The following COL5A2 variants were observed in gnomAD, a reference collection of about 807,000 sequenced individuals.
The protein encoded by COL5A2 is collagen type V alpha 2 chain, also known as collagen alpha-2(V) chain.
COL5A2 carries 23 observed loss-of-function variants against 208.2 expected under a neutral mutation model. The observed-to-expected ratio is 0.11, with a 90% CI of 0.08 to 0.16. The LOEUF is 0.16. Among genes scored for constraint, COL5A2 ranks in the 10% least tolerant of loss-of-function variants. The probability of loss-of-function intolerance (pLI) is 1.00; values close to 1 mark genes in which losing one functional copy is unlikely to be tolerated. For synonymous variants in COL5A2, 625 were observed against 628.5 expected, an observed-to-expected ratio of 0.99 and a Z score of 0.08; for missense variants, 1,590 against 1,956.4, an observed-to-expected ratio of 0.81 and a Z score of 3.53.
At chr2:189,041,071 C>T (rs924946645) in intron 50 of COL5A2, among the ~76,000 whole-genome samples, 1 of 152,176 alleles carries the variant, frequency 6.6e-6, no homozygotes, top group South Asian at 2.1e-4. Flanking sequence ...AGATGTTTCC[C>T]AGACCTGAGA....
chr2:189,266,731 A>C, the COL5A2 span, among the ~76,000 whole-genome samples: 4 of 152,224 alleles, frequency 2.6e-5, no homozygotes, highest in South Asian at 8.3e-4. Flanking sequence ...TATATGAAAA[A>C]ATACTGAATT....
chr2:189,402,925 A>AT, the COL5A2 span, among the ~76,000 whole-genome samples: 1 of 151,986 alleles, frequency 6.6e-6, no homozygotes, highest in Non-Finnish European at 1.5e-5. Flanking sequence ...ATTATAAAAT[A>AT]TTTTTTTCTA....
intron 46 of COL5A2, 98 bp downstream of exon 46, chr2:189,045,702 A>T (rs1685651425): frequency 2.2e-6 from 2 of 915,840 alleles, no homozygotes; most frequent in Admixed American, 1.8e-5. Context: ...TCCTTAACGA[A>T]GTGCACATGT....
At chr2:189,119,485 C>A (rs1414067071) in intron 1 of COL5A2, among the ~76,000 whole-genome samples, 7 of 152,156 alleles carry the variant, frequency 4.6e-5, no homozygotes, top group Admixed American at 2.0e-4. Context: ...TTTTCCTTAA[C>A]AAGTAAACAT....
At chr2:189,237,774 T>A in the COL5A2 span, among the ~76,000 whole-genome samples, 1 of 151,914 alleles carries the variant, frequency 6.6e-6, no homozygotes, top group African/African-American at 2.4e-5. Context: ...TTCCATTTGT[T>A]CATAGAAATT....
chr2:189,309,777 C>T, the COL5A2 span, among the ~76,000 whole-genome samples: 1 of 152,136 alleles, frequency 6.6e-6, no homozygotes, highest in African/African-American at 2.4e-5. Context: ...GTGATGTGAC[C>T]ATCTGCCAGA....
chr2:189,250,055 C>T, the COL5A2 span, among the ~76,000 whole-genome samples: 1 of 152,146 alleles, frequency 6.6e-6, no homozygotes, highest in African/African-American at 2.4e-5. Context: ...GGAAGAATAG[C>T]ACTTTTCACT....
chr2:189,051,183 T>C, intron 42 of COL5A2, 137 bp downstream of exon 42: 1 of 1,005,016 alleles, frequency 1.0e-6, no homozygotes, highest in Non-Finnish European at 1.5e-6. Flanking sequence ...TAAAGCCTTA[T>C]AGATTTAATG....
At chr2:189,046,974 T>C (rs1456473750) in intron 45 of COL5A2, among the ~76,000 whole-genome samples, 1 of 151,878 alleles carries the variant, frequency 6.6e-6, no homozygotes, top group Non-Finnish European at 1.5e-5. Flanking sequence ...ATACAAAAAT[T>C]AGCTGGGTGT....
rs1273204872 is a variant in COL5A2 at position 189,045,348 on chromosome 2, G to A, written c.3310-116C>T. On this transcript the variant is annotated intron_variant, in intron 46 of 53. Transcript: ENST00000374866. ...TGGATGCATATATATATATGTGTGT[G>A]TGTGTGTGTGTGTGTGCATACTCTT... is the stretch of plus-strand genomic sequence containing the variant. The A allele has an allele frequency of 6.2e-6, 4 of 647,204 alleles. No homozygotes were observed. In the South Asian group the frequency reaches 7.7e-5, roughly 13 times the overall value. The allele number at this position is 647,204 out of a possible 1,614,324, so 40.1% of individuals were successfully genotyped here.
chr2:189,066,313 G>T, intron 23 of COL5A2, 77 bp downstream of exon 23: 1 of 1,334,596 alleles, frequency 7.5e-7, no homozygotes, highest in South Asian at 1.2e-5. Flanking sequence ...AACTGTTCTA[G>T]TTTTCCTTAC....
intron 1 of COL5A2, among the ~76,000 whole-genome samples, chr2:189,127,914 T>G (rs1271449610): frequency 6.6e-6 from 1 of 152,030 alleles, no homozygotes; most frequent in Non-Finnish European, 1.5e-5. Flanking sequence ...GAGTGCTGCT[T>G]CTTCCACAAA....
At chr2:189,224,426 C>A (rs1052099328) in intron 1 of COL5A2, among the ~76,000 whole-genome samples, 2 of 152,096 alleles carry the variant, frequency 1.3e-5, no homozygotes, top group East Asian at 3.9e-4. Context: ...CGGTGACTCA[C>A]GCCTGTAATC....
chr2:189,045,965 C>T, intron 45 of COL5A2, 58 bp from the exon 46 acceptor site: 4 of 1,407,936 alleles, frequency 2.8e-6, no homozygotes, highest in Non-Finnish European at 4.0e-6. Context: ...AACAATATTC[C>T]ATATGTTCAT....
the COL5A2 span, among the ~76,000 whole-genome samples, chr2:189,271,429 T>C: frequency 3.3e-5 from 5 of 152,116 alleles, no homozygotes; most frequent in African/African-American, 9.7e-5. Context: ...ATTTAATAAA[T>C]GATGTTGGGA....
chr2:189,067,276 CT>C (rs954456828), intron 21 of COL5A2, among the ~76,000 whole-genome samples: 1 of 152,080 alleles, frequency 6.6e-6, no homozygotes, highest in Non-Finnish European at 1.5e-5. Flanking sequence ...GTAGGTGTGT[CT>C]TTAAATACCA....
the COL5A2 span, chr2:189,311,229 G>A: frequency 2.2e-6 from 3 of 1,391,006 alleles, no homozygotes; most frequent in Non-Finnish European, 3.0e-6. Flanking sequence ...TTGGCCTCCT[G>A]CTCCCCAAAG....
At chr2:189,034,833 C>T in intron 53 of COL5A2, 83 bp downstream of exon 53, 2 of 1,552,234 alleles carry the variant, frequency 1.3e-6, no homozygotes, top group Non-Finnish European at 1.8e-6. Flanking sequence ...AAAATTGCCC[C>T]CAGTTCTAGT....
chr2:189,178,474 T>A (rs1358569173), intron 1 of COL5A2, among the ~76,000 whole-genome samples: 1 of 152,042 alleles, frequency 6.6e-6, no homozygotes, highest in Non-Finnish European at 1.5e-5. Context: ...AAGCTTGAGT[T>A]TGATGTTACA....
Sources: allele counts gnomAD v4.1 joint callset (sites outside exome capture counted in the v4.1 genomes callset), GRCh38; gene constraint gnomAD v4.1.1; transcripts MANE v1.5; gene names NCBI Gene and HGNC (gene_info 2026-07-23, HGNC 2026-07-21).